ANO4: variants seen among roughly 807,000 people sequenced by gnomAD.
ANO4 encodes anoctamin 4.
In ANO4, 69 loss-of-function variants were observed where a neutral mutation model predicts 141.9. The ratio of observed to expected loss-of-function variants is 0.49; its 90% CI spans 0.40 to 0.59. The LOEUF (loss-of-function observed/expected upper bound fraction) is 0.59, where lower values mean the gene tolerates loss of function less well. Ranked by LOEUF, ANO4 falls within the 20% of genes least tolerant of loss-of-function variation. ANO4 has a pLI of 0.00. For missense variants in ANO4, 894 were observed against 1,162.2 expected (o/e 0.77, Z 3.36); for synonymous variants, 350 against 394.3 (o/e 0.89, Z 1.33).
intron 9 of ANO4, among the ~76,000 whole-genome samples, chr12:101,022,056 A>C (rs551026409): frequency 5.4e-5 from 8 of 148,912 alleles, no homozygotes; most frequent in Non-Finnish European, 8.9e-5. Flanking sequence ...AAAAAAAAAA[A>C]AAAACACCTA....
At position 100,741,840 on chromosome 12, in the gene ANO4, C is replaced by A. The variant is rs140150574; in HGVS notation, c.358+1735C>A. On this transcript the variant is annotated intron_variant, in intron 3 of 29. Transcript: ENST00000644049. ...AAATCAGAAGTTAATATATAAAGTACCTCCTTTATATATTAACCCAGGGTA... is the reference window on the plus strand; with the variant it reads ...AAATCAGAAGTTAATATATAAAGTAACTCCTTTATATATTAACCCAGGGTA... Among the ~76,000 whole-genome samples the A allele has an allele frequency of 4.7e-3, 712 of 152,132 alleles. 7 individuals carry two copies. Among genetic ancestry groups the A allele is most frequent in the African/African-American group, 0.016 (664 of 41,504 alleles).
intron 1 of ANO4, among the ~76,000 whole-genome samples, chr12:100,828,338 A>G (rs1367737699): frequency 2.0e-5 from 3 of 151,906 alleles, no homozygotes; most frequent in Admixed American, 6.6e-5. Flanking sequence ...CCTCATTCCT[A>G]TTTTCCAAGT....
intron 22 of ANO4, among the ~76,000 whole-genome samples, chr12:101,109,139 G>T (rs138423335): frequency 1.8e-4 from 28 of 152,246 alleles, no homozygotes; most frequent in African/African-American, 6.5e-4. Context: ...TGCACAATTG[G>T]GTTGGGGTTA....
chr12:100,849,670 T>C (rs750379857), intron 1 of ANO4, among the ~76,000 whole-genome samples: 6 of 152,232 alleles, frequency 3.9e-5, no homozygotes, highest in African/African-American at 4.8e-5. Context: ...TAGGTGACCG[T>C]TTTAAATTCC....
chr12:100,809,220 C>A (rs947348985), intron 1 of ANO4, among the ~76,000 whole-genome samples: 1 of 152,126 alleles, frequency 6.6e-6, no homozygotes, highest in Non-Finnish European at 1.5e-5. Context: ...AACCCCATCT[C>A]TACTAAAGAT....
chr12:100,901,330 G>C (rs548706276), intron 1 of ANO4, among the ~76,000 whole-genome samples: 2 of 152,294 alleles, frequency 1.3e-5, no homozygotes, highest in African/African-American at 4.8e-5. Context: ...GAAAGTTCTT[G>C]ATTTTTATTG....
intron 14 of ANO4, among the ~76,000 whole-genome samples, chr12:101,054,515 T>C (rs1294413704): frequency 1.3e-5 from 2 of 152,244 alleles, no homozygotes; most frequent in African/African-American, 2.4e-5. Flanking sequence ...TTTTCTTTTT[T>C]TTGAGACGGA....
chr12:101,055,616 T>C (rs898724524), intron 14 of ANO4, among the ~76,000 whole-genome samples: 3 of 152,192 alleles, frequency 2.0e-5, no homozygotes, highest in African/African-American at 7.2e-5. Context: ...TTTCCCTGTC[T>C]GAGTCTTGCA....
chr12:100,941,957 AATTATTATTATT>A (rs138288410), intron 4 of ANO4, among the ~76,000 whole-genome samples: 31 of 143,150 alleles, frequency 2.2e-4, no homozygotes, highest in East Asian at 4.1e-4. Flanking sequence ...CAATGAAAAA[AATTATTATTATT>A]ATTATTATTA....
chr12:101,024,595 CAA>C (rs10713446), intron 9 of ANO4, among the ~76,000 whole-genome samples: 7 of 145,054 alleles, frequency 4.8e-5, no homozygotes, highest in Non-Finnish European at 6.0e-5. Flanking sequence ...GACTCTGTCT[CAA>C]AAAAAAAAAA....
chr12:101,019,256 T>C lies in ANO4; in HGVS notation c.735-778T>C, dbSNP rs141948587. 2.1e-3 allele frequency among the ~76,000 whole-genome samples: 319 copies of C among 152,256 alleles called. 2 individuals are homozygous for C. The highest frequency in any genetic ancestry group is 7.2e-3 in the African/African-American group (301 of 41,540). On this transcript the variant is annotated intron_variant, in intron 8 of 27. Coordinates refer to ENST00000392977, the MANE Select transcript of ANO4 (RefSeq NM_001286615.2). ...CTCTAATATTCTACCATTTTTTGCATTCGTAAAAAGGGGAAACATGGCCAT... is the reference window on the plus strand; with the variant it reads ...CTCTAATATTCTACCATTTTTTGCACTCGTAAAAAGGGGAAACATGGCCAT...
At chr12:100,901,992 C>A in intron 2 of ANO4, 152 bp downstream of exon 2, 1 of 750,238 alleles carries the variant, frequency 1.3e-6, no homozygotes, top group Non-Finnish European at 2.1e-6. Context: ...TCACCTCAGT[C>A]AATGGTAAAT....
rs763949654 is a variant in ANO4, at chr12:100,806,524, G to GTTTTTTTTTTTTTTTT, written c.-141+11518_-141+11533dup. On this transcript the variant is annotated intron_variant, in intron 1 of 27. Coordinates refer to ENST00000392977, the MANE Select transcript of ANO4 (RefSeq NM_001286615.2). The stretch of plus-strand genomic sequence containing the variant: ...TTTTAGGAGGTTTTTTTTTTGTTTC[G>GTTTTTTTTTTTTTTTT]TTTTTTTTTTTTTTTTTTTTTTTTT... Among the ~76,000 whole-genome samples, 163 of 59,858 alleles carry GTTTTTTTTTTTTTTTT rather than the reference G, an allele frequency of 2.7e-3. 45 individuals carry two copies. Among genetic ancestry groups the GTTTTTTTTTTTTTTTT allele is most frequent in the Middle Eastern group, 0.013 (1 of 78 alleles). 39.3% of individuals were successfully genotyped at this position (59,858 alleles called of 152,430 possible).
intron 1 of ANO4, among the ~76,000 whole-genome samples, chr12:100,722,222 C>T (rs1409233855): frequency 6.6e-6 from 1 of 152,096 alleles, no homozygotes; most frequent in Non-Finnish European, 1.5e-5. Flanking sequence ...TTGCCCTGCC[C>T]TCTGTTCTTA....
chr12:100,747,143 T>C (rs2032149125), intron 3 of ANO4, among the ~76,000 whole-genome samples: 3 of 152,160 alleles, frequency 2.0e-5, no homozygotes, highest in African/African-American at 2.4e-5. Context: ...TCACCCCCAG[T>C]TGAGAACCAC....
At chr12:100,799,676 G>A (rs561153571) in intron 1 of ANO4, among the ~76,000 whole-genome samples, 1 of 152,294 alleles carries the variant, frequency 6.6e-6, no homozygotes, top group African/African-American at 2.4e-5. Flanking sequence ...AGGAGGCGGA[G>A]GTTGCAGTGA....
At chr12:100,880,330 G>T (rs2039505999) in intron 1 of ANO4, among the ~76,000 whole-genome samples, 1 of 152,132 alleles carries the variant, frequency 6.6e-6, no homozygotes, top group African/African-American at 2.4e-5. Context: ...TTGAGCATTT[G>T]TTAGAGACAG....
At chr12:100,918,828 A>T (rs1296436454) in intron 2 of ANO4, among the ~76,000 whole-genome samples, 1 of 152,192 alleles carries the variant, frequency 6.6e-6, no homozygotes, top group African/African-American at 2.4e-5. Flanking sequence ...GTTAACTTTA[A>T]GATAGCCTCA....
At chr12:100,724,868 CT>C (rs1263720726) in intron 1 of ANO4, among the ~76,000 whole-genome samples, 2 of 152,180 alleles carry the variant, frequency 1.3e-5, no homozygotes, top group African/African-American at 4.8e-5. Context: ...ATTGATATTT[CT>C]GAGGAATACC....
Sources: gnomAD v4.1 joint callset for allele counts (sites outside exome capture counted in the v4.1 genomes callset) on GRCh38, gnomAD v4.1.1 for gene constraint, MANE v1.5 for transcripts, NCBI Gene and HGNC (gene_info 2026-07-23, HGNC 2026-07-21) for gene names.